The following TTC1 variants were observed in gnomAD, a reference collection of about 807,000 sequenced individuals.
TTC1 encodes tetratricopeptide repeat protein 1.
Under a neutral mutation model 37.6 loss-of-function variants are expected in TTC1, and 31 were observed. The ratio of observed to expected loss-of-function variants is 0.82; its 90% CI spans 0.62 to 1.11. The LOEUF (loss-of-function observed/expected upper bound fraction) is 1.11. TTC1 is among the 50% of genes most tolerant of loss of function. The pLI, the probability that TTC1 is intolerant of heterozygous loss-of-function variation, is 0.00. For synonymous variants in TTC1, 127 were observed against 122.4 expected (o/e 1.04, Z -0.25); for missense variants, 351 against 339.0 (o/e 1.04, Z -0.28).
intron 2 of TTC1, chr5:160,023,941 C>T (rs1756758350): frequency 1.3e-6 from 2 of 1,569,788 alleles, no homozygotes; most frequent in Non-Finnish European, 8.8e-7. Context: ...CTTCCTTTTC[C>T]TCTTCCTCAT....
intron 2 of TTC1, among the ~76,000 whole-genome samples, chr5:160,016,164 G>A (rs1756602144): frequency 6.6e-6 from 1 of 152,160 alleles, no homozygotes; most frequent in African/African-American, 2.4e-5. Context: ...GACCACTCAA[G>A]ACCAGGAATT....
intron 2 of TTC1, among the ~76,000 whole-genome samples, chr5:160,020,820 A>T (rs1756691218): frequency 6.6e-6 from 1 of 152,222 alleles, no homozygotes; most frequent in Non-Finnish European, 1.5e-5. Context: ...ATTATGGTGA[A>T]TTGTATAACT....
chr5:160,059,075 T>G (rs1581127114), intron 7 of TTC1, among the ~76,000 whole-genome samples: 2 of 152,198 alleles, frequency 1.3e-5, no homozygotes, highest in East Asian at 3.9e-4. Flanking sequence ...CAACTTAAAG[T>G]CACCAGCTGT....
At chr5:160,064,183 G>A (rs1401741483) in intron 7 of TTC1, among the ~76,000 whole-genome samples, 2 of 152,038 alleles carry the variant, frequency 1.3e-5, no homozygotes, top group East Asian at 3.9e-4. Context: ...TGGCCAGGCT[G>A]GTCTCGAACT....
rs1381366269 is a variant in TTC1 at position 160,049,542 on chromosome 5, G to A, written c.570G>A (p.Arg190=). ...TTCAATTAAACCCCAGCTATATCAG[G>A]GCAATATTGAGGAGAGCAGAGTTGT... ...KAIQLNPSYI[R]AILRRAELYE... The change falls in exon 6 of 8, where the codon AGG becomes AGA. Residue 190 remains arginine, a synonymous_variant. Transcript: ENST00000231238. 6.3e-7 allele frequency: 1 copy of A among 1,587,634 alleles called. No homozygotes were observed. Among genetic ancestry groups the A allele is most frequent in the Non-Finnish European group, 8.5e-7 (1 of 1,169,986 alleles).
chr5:160,019,108 TG>T (rs972100044), intron 2 of TTC1, among the ~76,000 whole-genome samples: 2 of 152,256 alleles, frequency 1.3e-5, no homozygotes, highest in Non-Finnish European at 2.9e-5. Flanking sequence ...GTCATTTCAA[TG>T]GGTTTGCTCC....
chr5:160,040,732 C>G (rs1420076313), intron 4 of TTC1, among the ~76,000 whole-genome samples: 1 of 151,826 alleles, frequency 6.6e-6, no homozygotes, highest in Non-Finnish European at 1.5e-5. Flanking sequence ...GACTACAGAC[C>G]TGCACTACCA....
intron 2 of TTC1, among the ~76,000 whole-genome samples, chr5:160,012,895 A>G (rs1756526168): frequency 1.3e-5 from 2 of 152,178 alleles, no homozygotes; most frequent in Non-Finnish European, 2.9e-5. Context: ...TGTGTGCTTT[A>G]TCAGTCATTC....
Position 160,057,442 on chromosome 5 carries a change from C to A in TTC1, c.745+6259C>A, listed in dbSNP as rs1395890438. ...ATGTACATACCTTAATTTTAAAATA[C>A]ATTATTAAAAAATGCTGACGATGAG... On this transcript the variant is annotated intron_variant, in intron 7 of 7. Coordinates refer to ENST00000231238, the MANE Select transcript of TTC1 (RefSeq NM_003314.3). The surrounding 1 kb of genome is among the most constrained non-coding windows in gnomAD (Gnocchi z 4.4). 6.6e-6 allele frequency among the ~76,000 whole-genome samples: 1 copy of A among 151,516 alleles called. No homozygotes were observed. Among genetic ancestry groups the A allele is most frequent in the Non-Finnish European group, 1.5e-5 (1 of 67,826 alleles).
chr5:160,044,972 A>G (rs1429271921), intron 5 of TTC1, among the ~76,000 whole-genome samples: 2 of 152,160 alleles, frequency 1.3e-5, no homozygotes, highest in Non-Finnish European at 2.9e-5. Flanking sequence ...TCTATATTAT[A>G]ATATAGAAGA....
chr5:160,037,630 C>T (rs542764778), intron 4 of TTC1, among the ~76,000 whole-genome samples: 2 of 152,220 alleles, frequency 1.3e-5, no homozygotes, highest in African/African-American at 2.4e-5. Context: ...GCAGGAGAGT[C>T]GCTGAAGCCT....
At chr5:160,051,258 A>T in intron 7 of TTC1, 75 bp downstream of exon 7, 1 of 1,192,860 alleles carries the variant, frequency 8.4e-7, no homozygotes, top group Non-Finnish European at 1.2e-6. Flanking sequence ...ATACTAGAGG[A>T]GAACACATGA....
chr5:160,047,743 T>C lies in TTC1; in HGVS notation c.542-1771T>C, dbSNP rs1581113065. Among the ~76,000 whole-genome samples, 3 of 152,210 alleles carry C rather than the reference T, an allele frequency of 2.0e-5. No homozygotes were observed. The South Asian group carries it at 6.2e-4, about 31-fold the overall frequency. On this transcript the variant is annotated intron_variant, in intron 5 of 7. Transcript: ENST00000231238. ...CCTGATAACTCACATGCCAGAGTTA[T>C]TCTTGTTGGTCCCTCTTCCTGGCAC...
At chr5:160,019,436 ATGT>A (rs1248493159) in intron 2 of TTC1, among the ~76,000 whole-genome samples, 1 of 152,016 alleles carries the variant, frequency 6.6e-6, no homozygotes, top group Non-Finnish European at 1.5e-5. Flanking sequence ...AATCTAATTA[ATGT>A]TGTGGCTGTG....
At chr5:160,039,182 A>G (rs1031973570) in intron 4 of TTC1, 2 of 152,038 alleles carry the variant, frequency 1.3e-5, no homozygotes, top group African/African-American at 2.4e-5. Flanking sequence ...TTCACATTTC[A>G]TATCTGGAGA....
intron 6 of TTC1, among the ~76,000 whole-genome samples, chr5:160,049,945 C>T (rs1419939758): frequency 4.0e-5 from 6 of 151,856 alleles, no homozygotes; most frequent in African/African-American, 9.7e-5. Context: ...CGGGTGTGGT[C>T]GTACACATCT....
rs1757347787 is a variant in TTC1 at position 160,049,610 on chromosome 5, A to C, written c.638A>C (p.Lys213Thr). The C allele has an allele frequency of 6.2e-7, 1 of 1,609,406 alleles. No homozygotes were observed. The highest frequency in any genetic ancestry group is 1.3e-5 in the African/African-American group (1 of 74,530). ...CTAGATGAAGCCCTGGAAGACTATA[A>C]ATCTATATTAGAAAAAGATCCATCA... ...DKLDEALEDY[K>T]SILEKDPSIH... Residue 213 changes from lysine (K) to threonine (T), a missense_variant, in exon 6 of 8, where the codon AAA becomes ACA. Coordinates refer to ENST00000231238, the MANE Select transcript of TTC1 (RefSeq NM_003314.3).
chr5:160,043,748 A>G (rs1386311929), intron 5 of TTC1, among the ~76,000 whole-genome samples: 2 of 152,258 alleles, frequency 1.3e-5, no homozygotes, highest in African/African-American at 2.4e-5. Context: ...AAGGGGGACA[A>G]CTGTGATGAG....
chr5:160,013,308 A>G (rs556055921), intron 2 of TTC1, among the ~76,000 whole-genome samples: 85 of 152,304 alleles, frequency 5.6e-4, no homozygotes, highest in African/African-American at 2.0e-3. Flanking sequence ...TGTCTTCTAC[A>G]TATATGGTTT....
Sources: gnomAD v4.1 joint callset for allele counts (sites outside exome capture counted in the v4.1 genomes callset) on GRCh38, gnomAD v4.1.1 for gene constraint, Gnocchi (gnomAD v3.1) non-coding constraint, MANE v1.5 for transcripts, NCBI Gene and HGNC (gene_info 2026-07-23, HGNC 2026-07-21) for gene names.